Variants in SPATA13 observed in about 807,000 individuals in gnomAD.
The protein encoded by SPATA13 is spermatogenesis-associated protein 13.
Under a neutral mutation model 104.0 loss-of-function variants are expected in SPATA13, and 50 were observed. The observed-to-expected ratio is 0.48, with a 90% CI of 0.38 to 0.61. The LOEUF (loss-of-function observed/expected upper bound fraction) is 0.61, where lower values mean the gene tolerates loss of function less well. Ranked by LOEUF, SPATA13 falls within the 20% of genes least tolerant of loss-of-function variation. The pLI is 0.00. For synonymous variants in SPATA13, 606 were observed against 667.5 expected, an observed-to-expected ratio of 0.91 and a Z score of 1.42; for missense variants, 1,524 against 1,690.6, an observed-to-expected ratio of 0.90 and a Z score of 1.73.
chr13:24,145,953 A>G (rs1005448240), intron 3 of SPATA13, among the ~76,000 whole-genome samples: 1 of 152,218 alleles, frequency 6.6e-6, no homozygotes, highest in Non-Finnish European at 1.5e-5. Context: ...CGACCAAGTC[A>G]ACAGGCATAG....
chr13:24,195,312 T>C (rs1204529880), intron 1 of SPATA13, among the ~76,000 whole-genome samples: 1 of 152,248 alleles, frequency 6.6e-6, no homozygotes, highest in African/African-American at 2.4e-5. Flanking sequence ...CTGAATAATA[T>C]TCAATTATGT....
chr13:24,258,604 G>A (rs182844151), intron 4 of SPATA13, among the ~76,000 whole-genome samples: 18 of 152,198 alleles, frequency 1.2e-4, no homozygotes, highest in African/African-American at 3.9e-4. Context: ...GGGAGGCAGA[G>A]GTTGCAGCGG....
At chr13:24,293,658 C>T (rs1593510433) in intron 9 of SPATA13, among the ~76,000 whole-genome samples, 2 of 152,264 alleles carry the variant, frequency 1.3e-5, no homozygotes, top group South Asian at 2.1e-4. Context: ...ACTTATTTTG[C>T]GACCCTTTCT....
chr13:24,154,442 C>A (rs759390568), intron 3 of SPATA13, among the ~76,000 whole-genome samples: 3 of 151,986 alleles, frequency 2.0e-5, no homozygotes, highest in Non-Finnish European at 4.4e-5. Flanking sequence ...TCCTGCATGA[C>A]TCCATTTATA....
At position 24,174,218 on chromosome 13, in the gene SPATA13, T is replaced by C. The variant is rs182652057; in HGVS notation, c.-112+13286T>C. Among the ~76,000 whole-genome samples the C allele has an allele frequency of 1.1e-3, 168 of 152,356 alleles. 1 individual carries two copies. The highest frequency in any genetic ancestry group is 3.6e-3 in the African/African-American group (149 of 41,584). On this transcript the variant is annotated intron_variant, in intron 1 of 12. Transcript: ENST00000382108. ...TGTTTTTAAAGAAAGCGGTCCATTT[T>C]GTTGAAGTTGTCAAGTTGGTGTGTG...
intron 3 of SPATA13, among the ~76,000 whole-genome samples, chr13:24,075,448 A>G (rs1363082247): frequency 6.6e-6 from 1 of 152,200 alleles, no homozygotes; most frequent in African/African-American, 2.4e-5. Context: ...AATAAAGGGG[A>G]AAAATCTTTT....
At chr13:23,994,980 G>C (rs766931091) in intron 2 of SPATA13, among the ~76,000 whole-genome samples, 17 of 152,190 alleles carry the variant, frequency 1.1e-4, no homozygotes, top group Non-Finnish European at 2.4e-4. Context: ...ACATCTGGCA[G>C]TGTCTGGAGA....
chr13:24,196,682 G>A (rs1214755472), intron 1 of SPATA13, among the ~76,000 whole-genome samples: 11 of 152,222 alleles, frequency 7.2e-5, no homozygotes, highest in African/African-American at 2.7e-4. Flanking sequence ...GCTGCAGTGA[G>A]CTGTGATTAT....
chr13:24,277,660 G>A (rs902160897), intron 4 of SPATA13, among the ~76,000 whole-genome samples: 1 of 152,104 alleles, frequency 6.6e-6, no homozygotes, highest in Non-Finnish European at 1.5e-5. Flanking sequence ...TGGAACCTCA[G>A]TTTCCACATC....
chr13:24,275,947 A>C (rs542011990), intron 4 of SPATA13, among the ~76,000 whole-genome samples: 5 of 152,220 alleles, frequency 3.3e-5, no homozygotes, highest in Non-Finnish European at 7.4e-5. Context: ...CCCCTCCCCC[A>C]AAAAATGTTT....
intron 3 of SPATA13, among the ~76,000 whole-genome samples, chr13:24,072,284 G>GTA (rs1233906029): frequency 3.3e-5 from 5 of 152,282 alleles, no homozygotes; most frequent in African/African-American, 1.2e-4. Flanking sequence ...CTCTCTTTAA[G>GTA]TACCGTACAG....
intron 1 of SPATA13, among the ~76,000 whole-genome samples, chr13:24,194,825 G>C (rs1869962175): frequency 1.3e-5 from 2 of 152,166 alleles, no homozygotes; most frequent in African/African-American, 4.8e-5. Flanking sequence ...AGCTCACAAT[G>C]GTTTTCTTAT....
intron 2 of SPATA13, among the ~76,000 whole-genome samples, chr13:23,987,509 T>G (rs903568949): frequency 6.6e-6 from 1 of 152,214 alleles, no homozygotes; most frequent in African/African-American, 2.4e-5. Flanking sequence ...TTGTTTATAT[T>G]TAGCCAACAT....
At chr13:24,066,240 G>A (rs1878959221) in intron 3 of SPATA13, among the ~76,000 whole-genome samples, 1 of 152,158 alleles carries the variant, frequency 6.6e-6, no homozygotes. Flanking sequence ...CCCCACCAGA[G>A]GATGGTGGCT....
At chr13:23,991,524 C>G (rs1875416135) in intron 2 of SPATA13, among the ~76,000 whole-genome samples, 2 of 152,142 alleles carry the variant, frequency 1.3e-5, no homozygotes, top group African/African-American at 4.8e-5. Context: ...GAACTTCTCC[C>G]TCACTGGGCT....
At chr13:24,049,035 C>A (rs1036772809) in intron 3 of SPATA13, among the ~76,000 whole-genome samples, 4 of 152,072 alleles carry the variant, frequency 2.6e-5, no homozygotes, top group African/African-American at 9.7e-5. Context: ...CAGGGGCTAC[C>A]AAATGGTTAC....
chr13:24,265,458 T>C lies in SPATA13; in HGVS notation c.2164+13596T>C, dbSNP rs9580909. Among the ~76,000 whole-genome samples the C allele has an allele frequency of 3.0e-3, 462 of 152,332 alleles. 2 individuals carry two copies. Among genetic ancestry groups the C allele is most frequent in the African/African-American group, 0.01 (436 of 41,568 alleles). On this transcript the variant is annotated intron_variant, in intron 4 of 12. Transcript: ENST00000382108. ...TTAGGGGAATGGACATTGGCCTGAA[T>C]AACTGATAGCAAATGTAGCAAATTA...
chr13:24,228,915 G>A lies in SPATA13; in HGVS notation c.1653+4333G>A, dbSNP rs567696252. Reference sequence around the variant, plus strand: ...CTGTCCTAAAAATAACAAAATAATCGTTGAAAAATTTTAAGCAGTCTAACA... The same window carrying A: ...CTGTCCTAAAAATAACAAAATAATCATTGAAAAATTTTAAGCAGTCTAACA... On this transcript the variant is annotated intron_variant, in intron 2 of 12. Coordinates refer to ENST00000382108, the MANE Select transcript of SPATA13 (RefSeq NM_001166271.3). Among the ~76,000 whole-genome samples the A allele has an allele frequency of 3.9e-5, 6 of 152,144 alleles. No individual in the cohort carries two copies. The East Asian group carries it at 5.8e-4, about 15-fold the overall frequency.
chr13:24,103,167 C>A (rs1002062497), intron 3 of SPATA13, among the ~76,000 whole-genome samples: 4 of 152,080 alleles, frequency 2.6e-5, no homozygotes, highest in African/African-American at 9.7e-5. Flanking sequence ...GTTCTGAATA[C>A]GTCAAAATGG....
Sources: gnomAD v4.1 joint callset for allele counts (sites outside exome capture counted in the v4.1 genomes callset) on GRCh38, gnomAD v4.1.1 for gene constraint, MANE v1.5 for transcripts, NCBI Gene and HGNC (gene_info 2026-07-23, HGNC 2026-07-21) for gene names.